TSNAXIP1: variants seen among roughly 807,000 people sequenced by gnomAD.
TSNAXIP1 encodes the protein translin-associated factor X-interacting protein 1.
Under a neutral mutation model 84.8 loss-of-function variants are expected in TSNAXIP1, and 89 were observed. The ratio of observed to expected loss-of-function variants is 1.05; its 90% CI spans 0.88 to 1.25. The LOEUF (loss-of-function observed/expected upper bound fraction) is 1.25. Ranked by LOEUF, TSNAXIP1 falls within the 50% of genes most tolerant of loss-of-function variation. The pLI, the probability that TSNAXIP1 is intolerant of heterozygous loss-of-function variation, is 0.00. For synonymous variants in TSNAXIP1, 347 were observed against 335.2 expected, an observed-to-expected ratio of 1.04 and a Z score of -0.39; for missense variants, 874 against 887.6, an observed-to-expected ratio of 0.98 and a Z score of 0.20.
intron 1 of TSNAXIP1, among the ~76,000 whole-genome samples, chr16:67,809,265 C>A (rs912482557): frequency 1.4e-5 from 2 of 147,450 alleles, no homozygotes; most frequent in Non-Finnish European, 3.0e-5. Context: ...GTCAAAAGAT[C>A]GAGACAATCC....
At chr16:67,807,710 T>G (rs1402387726) in intron 1 of TSNAXIP1, 1 of 233,562 alleles carries the variant, frequency 4.3e-6, no homozygotes, top group Non-Finnish European at 8.8e-6. Context: ...TTCGAACTCC[T>G]AGACTCAAGC....
In TSNAXIP1 at chr16:67,826,482, G is replaced by A. The variant is rs754622023; in HGVS notation, c.1321G>A (p.Val441Met). ...IPAFLRFDGL[V>M]ENKKPSKKDV... ...TGCTTTTCTTCGGTTTGATGGCCTC[G>A]TGGAGAACAAGAAGCCAAGCAAGAA... The change falls in exon 11 of 16, where the codon GTG (valine) becomes ATG (methionine). Residue 441 changes from valine to methionine, a missense_variant. By Grantham distance (21) the Val-to-Met change is conservative. Transcript: ENST00000561639. The A allele has an allele frequency of 2.2e-5, 35 of 1,613,976 alleles. No individual in the cohort carries two copies. The highest frequency in any genetic ancestry group is 3.3e-5 in the South Asian group (3 of 91,078).
chr16:67,820,921 C>T lies in TSNAXIP1; in HGVS notation c.230C>T (p.Pro77Leu), dbSNP rs976543933. 8.1e-6 allele frequency: 13 copies of T among 1,604,542 alleles called. No individual in the cohort carries two copies. The highest frequency in any genetic ancestry group is 1.1e-5 in the Non-Finnish European group (13 of 1,175,492). ...SGQTILQNRK[P>L]CSDDYRKRVG... Reference sequence around the variant, plus strand: ...CAGACCATTTTGCAAAATCGAAAACCCTGTTCAGATGACTACCGGAAGCGA... The same window carrying T: ...CAGACCATTTTGCAAAATCGAAAACTCTGTTCAGATGACTACCGGAAGCGA... Residue 77 changes from proline to leucine, a missense_variant, in exon 3 of 16, where the codon CCC becomes CTC. Coordinates refer to ENST00000561639, the MANE Select transcript of TSNAXIP1 (RefSeq NM_001288990.3).
chr16:67,819,063 C>T (rs1017248948), intron 2 of TSNAXIP1, among the ~76,000 whole-genome samples: 3 of 151,730 alleles, frequency 2.0e-5, no homozygotes, highest in East Asian at 2.0e-4. Flanking sequence ...GCCAGCTACT[C>T]GGGAGTCTGA....
Position 67,827,795 on chromosome 16 carries a change from G to A in TSNAXIP1, c.1941G>A (p.Met647Ile). The A allele has an allele frequency of 6.2e-7, 1 of 1,614,132 alleles. No homozygotes were observed. The highest frequency in any genetic ancestry group is 8.5e-7 in the Non-Finnish European group (1 of 1,180,042). ...VTLPKLRGGLMTIDPSLDKQT... is the reference protein window; with the variant it reads ...VTLPKLRGGLITIDPSLDKQT... ...TGCCCAAGCTGCGAGGGGGCCTGAT[G>A]ACCATCGACCCCAGCCTGGACAAGC... Residue 647 changes from methionine to isoleucine, a missense_variant, in exon 16 of 16, where the codon ATG (methionine) becomes ATA (isoleucine). Physicochemically the swap from Met to Ile is conservative, Grantham distance 10. Coordinates refer to ENST00000561639, the MANE Select transcript of TSNAXIP1 (RefSeq NM_001288990.3).
At chr16:67,810,879 A>AT (rs1349746190) in intron 1 of TSNAXIP1, among the ~76,000 whole-genome samples, 1 of 151,746 alleles carries the variant, frequency 6.6e-6, no homozygotes, top group African/African-American at 2.4e-5. Context: ...AGCTGGGACT[A>AT]TAGGCGCGTG....
intron 1 of TSNAXIP1, chr16:67,807,505 C>A: frequency 1.0e-6 from 1 of 967,490 alleles, no homozygotes; most frequent in Non-Finnish European, 1.4e-6. Flanking sequence ...CGTTCTGTCG[C>A]CCAGGCTGGA....
Position 67,827,033 on chromosome 16 carries a change from A to C in TSNAXIP1, c.1625A>C (p.Asp542Ala). The stretch of plus-strand genomic sequence containing the variant: ...CTGCTGAAGGAGATGACAAATGCTG[A>C]CAGTCAGAACGAGGGGCTACTAACC... ...AQLLKEMTNA[D>A]SQNEGLLTME... The change falls in exon 13 of 16, where the codon GAC becomes GCC. Residue 542 changes from aspartate to alanine, a missense_variant. Transcript: ENST00000561639. 1 of 1,614,188 alleles carries C rather than the reference A, an allele frequency of 6.2e-7. No homozygotes were observed. Among genetic ancestry groups the C allele is most frequent in the South Asian group, 1.1e-5 (1 of 91,080 alleles).
chr16:67,814,611 T>C (rs953760778), intron 2 of TSNAXIP1, among the ~76,000 whole-genome samples: 15 of 152,204 alleles, frequency 9.9e-5, no homozygotes, highest in Admixed American at 3.3e-4. Context: ...TGCCTGCTCC[T>C]TATCTGAAAA....
rs767510005 is a variant in TSNAXIP1 at position 67,827,462 on chromosome 16, GC to G, written c.1792-7del. 6.2e-7 allele frequency: 1 copy of G among 1,614,152 alleles called. No homozygotes were observed. The highest frequency in any genetic ancestry group is 8.5e-7 in the Non-Finnish European group (1 of 1,180,024). On this transcript the variant is annotated splice_polypyrimidine_tract_variant and intron_variant, in intron 14 of 15. Coordinates refer to ENST00000561639, the MANE Select transcript of TSNAXIP1 (RefSeq NM_001288990.3). ...CAATGTGCCCTCCCCCTGACTTGTG[GC>G]CCCTCCCAGGATGAGGAGGGCCAGA...
intron 2 of TSNAXIP1, 29 bp from the exon 3 acceptor site, chr16:67,820,810 A>G (rs1296591000): frequency 1.4e-6 from 2 of 1,474,112 alleles, no homozygotes; most frequent in East Asian, 4.7e-5. Context: ...CAATGTTGCC[A>G]TGGCAACCCC....
At chr16:67,815,849 G>A (rs1034157050) in intron 2 of TSNAXIP1, among the ~76,000 whole-genome samples, 2 of 151,482 alleles carry the variant, frequency 1.3e-5, no homozygotes, top group African/African-American at 4.9e-5. Context: ...ACCCAGGAAG[G>A]AGCACAGTGG....
At chr16:67,826,643 G>A (rs900883415) in intron 11 of TSNAXIP1, 49 bp from the exon 12 acceptor site, 1 of 1,611,162 alleles carries the variant, frequency 6.2e-7, no homozygotes, top group South Asian at 1.1e-5. Flanking sequence ...ACAGGGATGA[G>A]GGCCAACCAA....
intron 1 of TSNAXIP1, among the ~76,000 whole-genome samples, chr16:67,811,651 C>T (rs1450181575): frequency 6.6e-6 from 1 of 151,722 alleles, no homozygotes; most frequent in Non-Finnish European, 1.5e-5. Context: ...ACTATGTTGG[C>T]CAGGCTGGTC....
chr16:67,816,240 T>A (rs1309197080), intron 2 of TSNAXIP1, among the ~76,000 whole-genome samples: 1 of 152,174 alleles, frequency 6.6e-6, no homozygotes, highest in Non-Finnish European at 1.5e-5. Flanking sequence ...GTGCTGGGAT[T>A]ACAGGCGTGA....
chr16:67,824,170 GCA>G (rs1446082105), intron 5 of TSNAXIP1, among the ~76,000 whole-genome samples: 1 of 152,124 alleles, frequency 6.6e-6, no homozygotes, highest in African/African-American at 2.4e-5. Flanking sequence ...CAGCCATTCT[GCA>G]CAGACTGTTC....
At chr16:67,827,428 G>A (rs1398766136) in intron 14 of TSNAXIP1, 45 bp from the exon 15 acceptor site, 1 of 1,614,094 alleles carries the variant, frequency 6.2e-7, no homozygotes, top group South Asian at 1.1e-5. Context: ...GCCTTGGCTG[G>A]ACCCTACCCA....
chr16:67,819,892 C>T, intron 2 of TSNAXIP1, among the ~76,000 whole-genome samples: 1 of 148,652 alleles, frequency 6.7e-6, no homozygotes, highest in Non-Finnish European at 1.5e-5. Context: ...AATCTTGGCT[C>T]ACTGCAAACT....
At chr16:67,809,221 G>T (rs1201604533) in intron 1 of TSNAXIP1, among the ~76,000 whole-genome samples, 2 of 126,888 alleles carry the variant, frequency 1.6e-5, no homozygotes, top group Non-Finnish European at 3.3e-5. Flanking sequence ...TGTAATCCCA[G>T]CACTTTGGGA....
Sources: gnomAD v4.1 joint callset for allele counts (sites outside exome capture counted in the v4.1 genomes callset) on GRCh38, gnomAD v4.1.1 for gene constraint, MANE v1.5 for transcripts, NCBI Gene and HGNC (gene_info 2026-07-23, HGNC 2026-07-21) for gene names.